The following CAPN11 variants were observed in gnomAD, a reference collection of about 807,000 sequenced individuals.
The protein encoded by CAPN11 is calpain-11.
CAPN11 carries 108 observed loss-of-function variants against 105.3 expected under a neutral mutation model. That is an observed-to-expected ratio of 1.03 (90% CI 0.88 to 1.20). CAPN11 has a LOEUF of 1.20. Ranked by LOEUF, CAPN11 falls within the 50% of genes most tolerant of loss-of-function variation. CAPN11 has a pLI of 0.00. For synonymous variants in CAPN11, 329 were observed against 344.5 expected, an observed-to-expected ratio of 0.96 and a Z score of 0.50; for missense variants, 883 against 924.8, an observed-to-expected ratio of 0.95 and a Z score of 0.59.
At chr6:44,167,969 C>T (rs1377207100) in intron 2 of CAPN11, among the ~76,000 whole-genome samples, 3 of 151,668 alleles carry the variant, frequency 2.0e-5, no homozygotes, top group East Asian at 1.9e-4. Context: ...ACAATTCCAG[C>T]TGGGTGTGGT....
Position 44,183,897 on chromosome 6 carries a change from T to C in CAPN11, c.2194-9T>C. The C allele has an allele frequency of 6.4e-7, 1 of 1,560,108 alleles. No homozygotes were observed. The highest frequency in any genetic ancestry group is 8.7e-7 in the Non-Finnish European group (1 of 1,151,614). ...TTCCCACCCTGGGATCTGCTTCCTG[T>C]CTCCACAGTGGCTGCAGATGACCAT... is the stretch of plus-strand genomic sequence containing the variant. On this transcript the variant is annotated splice_polypyrimidine_tract_variant and intron_variant, in intron 22 of 22. Transcript: ENST00000398776.
At chr6:44,170,697 G>C (rs1770835171) in intron 4 of CAPN11, among the ~76,000 whole-genome samples, 1 of 152,216 alleles carries the variant, frequency 6.6e-6, no homozygotes, top group African/African-American at 2.4e-5. Flanking sequence ...AGAGGAATTA[G>C]GCTCTACCTT....
intron 5 of CAPN11, 44 bp downstream of exon 5, chr6:44,172,464 G>A (rs1771180083): frequency 8.2e-7 from 1 of 1,216,556 alleles, no homozygotes; most frequent in African/African-American, 1.5e-5. Context: ...TTGGGGGCGG[G>A]GGAAGAATCA....
At position 44,176,289 on chromosome 6, in the gene CAPN11, G is replaced by T; in HGVS notation, c.952G>T (p.Val318Phe). The T allele has an allele frequency of 6.2e-7, 1 of 1,613,892 alleles. No homozygotes were observed. The highest frequency in any genetic ancestry group is 8.5e-7 in the Non-Finnish European group (1 of 1,179,864). Residue 318 changes from valine (V) to phenylalanine (F), a missense_variant, in exon 9 of 23, where the codon GTC becomes TTC. Transcript: ENST00000398776. ...YRGKMETLIR[V>F]RNPWGRIEWN... ...AGGCAAAATGGAAACACTGATTCGG[G>T]TCCGGAATCCCTGGGGCCGGATTGA...
At chr6:44,161,802 G>T (rs749821557) in intron 1 of CAPN11, 11 of 456,090 alleles carry the variant, frequency 2.4e-5, no homozygotes, top group Non-Finnish European at 4.8e-5. Flanking sequence ...CCCCAGGAGA[G>T]CTCAACACCC....
At position 44,184,103 on chromosome 6, in the gene CAPN11, C is replaced by T; in HGVS notation, c.*171C>T. 1 of 658,036 alleles carries T rather than the reference C, an allele frequency of 1.5e-6. No individual in the cohort carries two copies. Among genetic ancestry groups the T allele is most frequent in the African/African-American group, 1.8e-5 (1 of 55,206 alleles). 40.8% of individuals were successfully genotyped at this position (658,036 alleles called of 1,614,324 possible). On this transcript the variant is annotated 3_prime_UTR_variant, in exon 23 of 23. Transcript: ENST00000398776. ...GCCGTGTTTACTGCAGCAGTGGGAC[C>T]TCCGTGCCCACTCCCCCAGCTCAGA...
In CAPN11 at chr6:44,180,008, C is replaced by A; in HGVS notation, c.1485C>A (p.Asp495Glu). The A allele has an allele frequency of 1.2e-6, 2 of 1,612,038 alleles. No homozygotes were observed. Among genetic ancestry groups the A allele is most frequent in the Non-Finnish European group, 1.7e-6 (2 of 1,179,114 alleles). Residue 495 changes from aspartate to glutamate, a missense_variant, in exon 14 of 23, where the codon GAC becomes GAA. Physicochemically the swap from Asp to Glu is conservative, Grantham distance 45. Transcript: ENST00000398776. ...AGGAATTCTTCACGAAGTATCAGGACCACGGCTTCTCAGAGATCTTCACCA... is the reference window on the plus strand; with the variant it reads ...AGGAATTCTTCACGAAGTATCAGGAACACGGCTTCTCAGAGATCTTCACCA... ...LKKEFFTKYQ[D>E]HGFSEIFTNS...
Position 44,184,232 on chromosome 6 carries a change from G to T in CAPN11, c.*300G>T, listed in dbSNP as rs1426322553. The T allele has an allele frequency of 1.3e-5, 6 of 469,948 alleles. No homozygotes were observed. Among genetic ancestry groups the T allele is most frequent in the Non-Finnish European group, 2.3e-5 (6 of 260,862 alleles). The allele number at this position is 469,948 out of a possible 1,614,324, so 29.1% of individuals were successfully genotyped here. A position where few individuals can be genotyped will look rare whatever the true frequency, so the allele number is the denominator to read the frequency against. ...AAAGAGTAGTTGATGCTTCCCCAGG[G>T]TCCCCCTGGCTGGGGAGGCCAAGAA... is the stretch of plus-strand genomic sequence containing the variant. On this transcript the variant is annotated 3_prime_UTR_variant, in exon 23 of 23. Coordinates refer to ENST00000398776, the MANE Select transcript of CAPN11 (RefSeq NM_007058.4).
rs756730480 is a variant in CAPN11, at chr6:44,183,921, A to G, written c.2209A>G (p.Met737Val). The G allele has an allele frequency of 5.1e-6, 8 of 1,555,824 alleles. No homozygotes were observed. In the African/African-American group the frequency reaches 6.9e-5, roughly 13 times the overall value. Residue 737 changes from methionine to valine, a missense_variant, in exon 23 of 23, where the codon ATG becomes GTG. Physicochemically the swap from Met to Val is conservative, Grantham distance 21. Coordinates refer to ENST00000398776, the MANE Select transcript of CAPN11 (RefSeq NM_007058.4). ...LSLEQWLQMT[M>V]WG is the part of the protein sequence containing the mutation. ...GTCTCCACAGTGGCTGCAGATGACC[A>G]TGTGGGGATAGAGGCGCTGTAGGAG...
At position 44,166,828 on chromosome 6, in the gene CAPN11, G is replaced by A. The variant is rs998076587; in HGVS notation, c.87G>A (p.Ala29=). 2.5e-5 allele frequency: 39 copies of A among 1,549,744 alleles called. No homozygotes were observed. Among genetic ancestry groups the A allele is most frequent in the Non-Finnish European group, 3.2e-5 (37 of 1,145,158 alleles). The change falls in exon 2 of 23, where the codon GCG becomes GCA. Residue 29 remains alanine (A), a splice_region_variant and synonymous_variant. Transcript: ENST00000398776. ...SQEDKPRGSC[A]EPTFTDTGMV... ...AGGATAAGCCTCGGGGCTCATGTGC[G>A]GGTAGGACTGCAGACCCGTCGTGGC...
At chr6:44,173,581 TTTG>T (rs201089381) in intron 7 of CAPN11, among the ~76,000 whole-genome samples, 195 bp downstream of exon 7, 100 of 24,284 alleles carry the variant, frequency 4.1e-3, no homozygotes, top group Non-Finnish European at 4.9e-3. Context: ...TTTTTTTTTG[TTTG>T]TTTGTTTTGT....
intron 19 of CAPN11, among the ~76,000 whole-genome samples, 179 bp downstream of exon 19, chr6:44,181,499 C>CAT (rs1773282137): frequency 2.7e-5 from 4 of 146,338 alleles, no homozygotes; most frequent in Middle Eastern, 3.3e-3. Flanking sequence ...ACCACACACA[C>CAT]ACACACACAC....
At chr6:44,163,164 C>T (rs772071201) in intron 1 of CAPN11, among the ~76,000 whole-genome samples, 1 of 152,196 alleles carries the variant, frequency 6.6e-6, no homozygotes, top group African/African-American at 2.4e-5. Context: ...GCAGCAGCCT[C>T]TATACACAGG....
At chr6:44,175,935 A>G (rs1000491418) in intron 7 of CAPN11, 133 bp from the exon 8 acceptor site, 31 of 608,912 alleles carry the variant, frequency 5.1e-5, no homozygotes, top group Admixed American at 8.3e-5. Flanking sequence ...ATTATTTCAA[A>G]ATAATGATAA....
chr6:44,179,575 TC>T (rs1772776607), intron 12 of CAPN11, 43 bp from the exon 13 acceptor site: 9 of 1,602,448 alleles, frequency 5.6e-6, no homozygotes, highest in African/African-American at 1.3e-5. Flanking sequence ...CTGAGGCCCT[TC>T]ACCACCCTAG....
chr6:44,166,644 C>A, intron 1 of CAPN11, 114 bp from the exon 2 acceptor site: 1 of 783,140 alleles, frequency 1.3e-6, no homozygotes, highest in Non-Finnish European at 2.2e-6. Context: ...TAGCTGCGCC[C>A]CAACCCAGTT....
At chr6:44,179,513 AACAC>A in intron 12 of CAPN11, 102 bp from the exon 13 acceptor site, 1 of 1,019,670 alleles carries the variant, frequency 9.8e-7, no homozygotes, top group Non-Finnish European at 1.6e-6. Flanking sequence ...CCCCTCCAAC[AACAC>A]ACACACACAG....
chr6:44,183,390 G>A lies in CAPN11; in HGVS notation c.2134+155G>A, dbSNP rs1235567509. On this transcript the variant is annotated intron_variant, in intron 21 of 22. Coordinates refer to ENST00000398776, the MANE Select transcript of CAPN11 (RefSeq NM_007058.4). ...CCCAGCTCCGCCACTTGCTGGCAGA[G>A]GTGACTTGAGCAAGTCACTTAATCT... 5 of 627,260 alleles carry A rather than the reference G, an allele frequency of 8.0e-6. No individual in the cohort carries two copies. The East Asian group carries it at 1.4e-4, about 17-fold the overall frequency. 38.9% of individuals were successfully genotyped at this position (627,260 alleles called of 1,614,324 possible).
chr6:44,166,326 G>GT (rs1211995037), intron 1 of CAPN11, among the ~76,000 whole-genome samples: 1 of 152,182 alleles, frequency 6.6e-6, no homozygotes, highest in Non-Finnish European at 1.5e-5. Flanking sequence ...AGGGTCTGCA[G>GT]TACGGATTTC....
Sources: gnomAD v4.1 joint callset for allele counts (sites outside exome capture counted in the v4.1 genomes callset) on GRCh38, gnomAD v4.1.1 for gene constraint, MANE v1.5 for transcripts, NCBI Gene and HGNC (gene_info 2026-07-23, HGNC 2026-07-21) for gene names.